The following ATAD2B variants were observed in gnomAD, a reference collection of about 807,000 sequenced individuals.
The protein encoded by ATAD2B is ATPase family AAA domain containing 2B.
A neutral mutation model predicts 167.6 loss-of-function variants in ATAD2B; 40 were observed. The observed-to-expected ratio is 0.24, with a 90% CI of 0.19 to 0.31. The LOEUF is 0.31. ATAD2B is among the 10% of genes least tolerant of loss of function. ATAD2B has a pLI of 1.00. For missense variants in ATAD2B, 1,242 were observed against 1,757.2 expected, an observed-to-expected ratio of 0.71 and a Z score of 5.24; for synonymous variants, 579 against 596.5, an observed-to-expected ratio of 0.97 and a Z score of 0.43.
chr2:23,854,443 C>T (rs1386060334), intron 13 of ATAD2B, among the ~76,000 whole-genome samples: 2 of 151,850 alleles, frequency 1.3e-5, no homozygotes, highest in African/African-American at 2.4e-5. Context: ...TTTGGGAGGC[C>T]GAGGTGGGTG....
chr2:23,902,400 T>C (rs751034135), intron 1 of ATAD2B, among the ~76,000 whole-genome samples: 2 of 152,158 alleles, frequency 1.3e-5, no homozygotes, highest in African/African-American at 2.4e-5. Flanking sequence ...AGGTACAAAA[T>C]AATTACTTCA....
the ATAD2B span, among the ~76,000 whole-genome samples, chr2:23,741,797 C>CT: frequency 1.3e-5 from 2 of 152,234 alleles, no homozygotes; most frequent in South Asian, 4.1e-4. Context: ...TTTTTGCAAC[C>CT]TACTCATCTG....
the ATAD2B span, among the ~76,000 whole-genome samples, chr2:23,728,660 CAAAA>C: frequency 1.6e-4 from 25 of 152,184 alleles, no homozygotes; most frequent in African/African-American, 6.0e-4. Context: ...AGTCTAAAGA[CAAAA>C]AACACTATAA....
chr2:23,703,351 G>C, the ATAD2B span: 1 of 1,524,754 alleles, frequency 6.6e-7, no homozygotes, highest in Non-Finnish European at 8.8e-7. Context: ...AGACCAACAC[G>C]TGGAGCTTCA....
At position 23,926,988 on chromosome 2, in the gene ATAD2B, A is replaced by C. The variant is rs1346514137; in HGVS notation, c.-218T>G. On this transcript the variant is annotated 5_prime_UTR_variant, in exon 1 of 28. Coordinates refer to ENST00000238789, the MANE Select transcript of ATAD2B (RefSeq NM_017552.4). ...GCGGGAAGCGGGGGCGGTGCTGCAG[A>C]CCGGCAGCACAGACACTCCGCCGGC... 2 of 536,418 alleles carry C rather than the reference A, an allele frequency of 3.7e-6. No homozygotes were observed. The highest frequency in any genetic ancestry group is 2.0e-5 in the African/African-American group (1 of 49,410). 33.2% of individuals were successfully genotyped at this position (536,418 alleles called of 1,614,324 possible).
intron 22 of ATAD2B, among the ~76,000 whole-genome samples, chr2:23,775,612 A>T (rs1045316378): frequency 6.6e-6 from 1 of 152,200 alleles, no homozygotes; most frequent in Non-Finnish European, 1.5e-5. Context: ...AAACTGATTT[A>T]AAAAGAAAAA....
chr2:23,849,847 A>G (rs1179582720), intron 13 of ATAD2B, among the ~76,000 whole-genome samples: 3 of 152,132 alleles, frequency 2.0e-5, no homozygotes, highest in Non-Finnish European at 2.9e-5. Flanking sequence ...AACCCCACAA[A>G]AGAGTCTGCT....
At chr2:23,754,364 T>C in intron 26 of ATAD2B, 57 bp from the exon 27 acceptor site, 2 of 1,473,414 alleles carry the variant, frequency 1.4e-6, no homozygotes, top group East Asian at 2.5e-5. Flanking sequence ...CAAACTGAAA[T>C]TGTATATTCA....
chr2:23,701,589 T>C, the ATAD2B span, among the ~76,000 whole-genome samples: 1 of 152,058 alleles, frequency 6.6e-6, no homozygotes, highest in Admixed American at 6.6e-5. Flanking sequence ...GGTGCACACC[T>C]GTAGTCCCAG....
downstream of ATAD2B, among the ~76,000 whole-genome samples, chr2:23,748,451 T>G (rs1675033228): frequency 6.6e-6 from 1 of 152,154 alleles, no homozygotes. Flanking sequence ...TTAGACAATC[T>G]TCAACTAAAA....
intron 1 of ATAD2B, among the ~76,000 whole-genome samples, chr2:23,914,669 C>T (rs952958080): frequency 4.7e-4 from 71 of 151,154 alleles, no homozygotes; most frequent in Non-Finnish European, 9.2e-4. Flanking sequence ...GAAACCCCGT[C>T]TCTACTAAAA....
chr2:23,823,802 A>AT (rs70941592), intron 15 of ATAD2B, among the ~76,000 whole-genome samples: 1 of 152,192 alleles, frequency 6.6e-6, no homozygotes, highest in Non-Finnish European at 1.5e-5. Flanking sequence ...TTTTTAATTA[A>AT]AAAAAACATA....
the ATAD2B span, among the ~76,000 whole-genome samples, chr2:23,734,678 A>G: frequency 6.6e-6 from 1 of 152,154 alleles, no homozygotes; most frequent in Non-Finnish European, 1.5e-5. Context: ...TTCATTCACT[A>G]TCATGAGAAC....
At chr2:23,731,048 G>T in the ATAD2B span, among the ~76,000 whole-genome samples, 1 of 150,288 alleles carries the variant, frequency 6.7e-6, no homozygotes, top group Non-Finnish European at 1.5e-5. Context: ...ATAGGACTCG[G>T]GGCAATTTGA....
chr2:23,838,939 C>G (rs1416585983), intron 13 of ATAD2B, among the ~76,000 whole-genome samples: 4 of 152,060 alleles, frequency 2.6e-5, no homozygotes, highest in African/African-American at 9.7e-5. Flanking sequence ...ATATTTCTTT[C>G]CATTTATTTA....
At chr2:23,723,324 G>C in the ATAD2B span, among the ~76,000 whole-genome samples, 1 of 140,622 alleles carries the variant, frequency 7.1e-6, no homozygotes. Context: ...ACAAACAAGA[G>C]AGAAGAAAAG....
chr2:23,706,959 A>G, the ATAD2B span: 1 of 274,288 alleles, frequency 3.6e-6, no homozygotes, highest in Non-Finnish European at 6.8e-6. Flanking sequence ...GTATTTTTCA[A>G]CTGGGAGAGA....
chr2:23,817,335 C>T (rs191302110), intron 17 of ATAD2B, among the ~76,000 whole-genome samples: 2 of 152,194 alleles, frequency 1.3e-5, no homozygotes, highest in Non-Finnish European at 2.9e-5. Flanking sequence ...ATGAAGATAC[C>T]ACAAATGCAA....
At chr2:23,864,066 G>A (rs550524874) in intron 11 of ATAD2B, among the ~76,000 whole-genome samples, 1 of 149,754 alleles carries the variant, frequency 6.7e-6, no homozygotes. Context: ...TCACCCAGGC[G>A]CAATCTCGGC....
Sources: gnomAD v4.1 joint callset for allele counts (sites outside exome capture counted in the v4.1 genomes callset) on GRCh38, gnomAD v4.1.1 for gene constraint, MANE v1.5 for transcripts, NCBI Gene and HGNC (gene_info 2026-07-23, HGNC 2026-07-21) for gene names.